BANK1: variants seen among roughly 807,000 people sequenced by gnomAD.
BANK1 encodes the protein B-cell scaffold protein with ankyrin repeats.
BANK1 carries 95 observed loss-of-function variants against 94.5 expected under a neutral mutation model. The ratio of observed to expected loss-of-function variants is 1.00; its 90% CI spans 0.85 to 1.19. BANK1 has a LOEUF of 1.19. Ranked by LOEUF, BANK1 falls within the 50% of genes most tolerant of loss-of-function variation. The probability of loss-of-function intolerance (pLI) is 0.00; values close to 1 mark genes in which losing one functional copy is unlikely to be tolerated. For synonymous variants in BANK1, 334 were observed against 308.4 expected (o/e 1.08, Z -0.87); for missense variants, 987 against 932.2 (o/e 1.06, Z -0.77).
chr4:101,944,071 A>C (rs1723846962), intron 7 of BANK1, among the ~76,000 whole-genome samples: 1 of 151,602 alleles, frequency 6.6e-6, no homozygotes, highest in African/African-American at 2.4e-5. Context: ...AGAGACAGAC[A>C]GACAGAGAGA....
rs186266161 is a variant in BANK1, at chr4:101,806,900, A to C, written c.70+15950A>C. 5.9e-5 allele frequency among the ~76,000 whole-genome samples: 9 copies of C among 152,340 alleles called. No homozygotes were observed. In the East Asian group the frequency reaches 1.7e-3, roughly 29 times the overall value. ...GGGACTGTATTTAAGTGAAATAGGA[A>C]TAGAACAAGTTGAACAGCTCTATTT... On this transcript the variant is annotated intron_variant, in intron 1 of 16. Transcript: ENST00000322953.
intron 13 of BANK1, among the ~76,000 whole-genome samples, chr4:102,065,923 T>C (rs1316650643): frequency 6.6e-6 from 1 of 152,072 alleles, no homozygotes; most frequent in African/African-American, 2.4e-5. Flanking sequence ...CAGCGACATT[T>C]AGGACAATAT....
intron 7 of BANK1, among the ~76,000 whole-genome samples, chr4:101,971,382 A>G (rs1309459412): frequency 6.6e-6 from 1 of 152,168 alleles, no homozygotes; most frequent in African/African-American, 2.4e-5. Flanking sequence ...AGATACAGCC[A>G]GAAATCATTC....
intron 3 of BANK1, among the ~76,000 whole-genome samples, chr4:101,856,098 T>A (rs1435156700): frequency 6.6e-6 from 1 of 152,164 alleles, no homozygotes; most frequent in African/African-American, 2.4e-5. Flanking sequence ...TGACAGGGGC[T>A]CACTGACCTT....
chr4:101,906,853 C>T (rs1364608070), intron 6 of BANK1, among the ~76,000 whole-genome samples: 1 of 152,152 alleles, frequency 6.6e-6, no homozygotes, highest in East Asian at 1.9e-4. Context: ...ATGGACGCCA[C>T]TTGCCAAGAC....
chr4:101,830,655 A>G (rs987333445), intron 2 of BANK1, among the ~76,000 whole-genome samples: 4 of 152,212 alleles, frequency 2.6e-5, no homozygotes, highest in African/African-American at 4.8e-5. Flanking sequence ...ACCTTTAGAT[A>G]AAAGAAAATA....
At chr4:101,877,260 A>T (rs1728525313) in intron 5 of BANK1, among the ~76,000 whole-genome samples, 1 of 152,186 alleles carries the variant, frequency 6.6e-6, no homozygotes, top group Non-Finnish European at 1.5e-5. Context: ...TTTAATTCAC[A>T]AACTCCCTAA....
chr4:101,893,067 G>A (rs1721934758), intron 5 of BANK1, among the ~76,000 whole-genome samples: 1 of 151,934 alleles, frequency 6.6e-6, no homozygotes, highest in Admixed American at 6.6e-5. Context: ...AACTAACTAT[G>A]GTGGGCTGGA....
rs374962266 is a variant in BANK1, at chr4:102,050,041, A to G, written c.1969+6134A>G. On this transcript the variant is annotated intron_variant, in intron 11 of 16. Coordinates refer to ENST00000322953, the MANE Select transcript of BANK1 (RefSeq NM_017935.5). Reference sequence around the variant, plus strand: ...AGACACTAACCCCATAACCATACCAATGTTTAAAACCTCATGTCAAGTGTT... The same window carrying G: ...AGACACTAACCCCATAACCATACCAGTGTTTAAAACCTCATGTCAAGTGTT... 4.6e-4 allele frequency among the ~76,000 whole-genome samples: 70 copies of G among 152,342 alleles called. 4 individuals are homozygous for G. Among genetic ancestry groups the G allele is most frequent in the Admixed American group, 1.8e-3 (27 of 15,302 alleles).
chr4:101,927,048 T>C (rs916825754), intron 7 of BANK1, among the ~76,000 whole-genome samples: 85 of 151,802 alleles, frequency 5.6e-4, no homozygotes, highest in African/African-American at 1.9e-3. Context: ...CTGAGAGGCA[T>C]TGTATTTGTC....
intron 7 of BANK1, among the ~76,000 whole-genome samples, chr4:101,964,407 C>T (rs1246408427): frequency 2.0e-5 from 3 of 151,980 alleles, no homozygotes; most frequent in Non-Finnish European, 2.9e-5. Flanking sequence ...TGAAAAAAAC[C>T]GTAACTGATC....
In BANK1 at chr4:101,959,933, C is replaced by A. The variant is rs142915819; in HGVS notation, c.1206+41744C>A. ...CAGTGTCATTTTTAGAAAATGTGGT[C>A]ATTACCTTCCCTGATCTCATCCTCA... On this transcript the variant is annotated intron_variant, in intron 7 of 16. Coordinates refer to ENST00000322953, the MANE Select transcript of BANK1 (RefSeq NM_017935.5). Among the ~76,000 whole-genome samples the A allele has an allele frequency of 2.3e-3, 357 of 152,304 alleles. 3 individuals carry two copies. The highest frequency in any genetic ancestry group is 8.2e-3 in the African/African-American group (339 of 41,570).
chr4:101,794,667 T>C (rs1725095317), intron 1 of BANK1, among the ~76,000 whole-genome samples: 1 of 152,116 alleles, frequency 6.6e-6, no homozygotes, highest in Non-Finnish European at 1.5e-5. Context: ...ATATCAGATA[T>C]CATATGGAAT....
intron 13 of BANK1, among the ~76,000 whole-genome samples, chr4:102,067,024 A>G (rs531143149): frequency 1.8e-4 from 28 of 152,282 alleles, no homozygotes; most frequent in African/African-American, 6.7e-4. Context: ...AGGGTAAAGT[A>G]AGCAGTCTGA....
chr4:101,841,849 C>G (rs985127863), intron 2 of BANK1, among the ~76,000 whole-genome samples: 9 of 139,942 alleles, frequency 6.4e-5, no homozygotes, highest in Non-Finnish European at 1.1e-4. Flanking sequence ...TTGTTCAATT[C>G]CCACCTATGA....
At chr4:101,793,758 T>C (rs1043209518) in intron 1 of BANK1, among the ~76,000 whole-genome samples, 18 of 152,144 alleles carry the variant, frequency 1.2e-4, no homozygotes, top group African/African-American at 4.1e-4. Context: ...ATGAAAGTTG[T>C]TTAGGGGATT....
chr4:101,948,118 G>T (rs1335400772), intron 7 of BANK1, among the ~76,000 whole-genome samples: 1 of 152,024 alleles, frequency 6.6e-6, no homozygotes, highest in East Asian at 1.9e-4. Flanking sequence ...ACTTTAATAA[G>T]TGTACTTGGT....
At chr4:101,993,530 C>T (rs1040139136) in intron 7 of BANK1, among the ~76,000 whole-genome samples, 2 of 152,098 alleles carry the variant, frequency 1.3e-5, no homozygotes, top group Non-Finnish European at 2.9e-5. Context: ...AAATACATTG[C>T]CAAAGCTGAC....
At chr4:102,060,146 G>C in intron 11 of BANK1, 65 bp from the exon 12 acceptor site, 1 of 1,381,790 alleles carries the variant, frequency 7.2e-7, no homozygotes, top group Non-Finnish European at 9.7e-7. Context: ...TATTTGTAGA[G>C]TGCTTTTGTT....
Sources: gnomAD v4.1 joint callset for allele counts (sites outside exome capture counted in the v4.1 genomes callset) on GRCh38, gnomAD v4.1.1 for gene constraint, MANE v1.5 for transcripts, NCBI Gene and HGNC (gene_info 2026-07-23, HGNC 2026-07-21) for gene names.